Variants in CFAP221 observed in about 807,000 individuals in gnomAD.
CFAP221 encodes the protein cilia and flagella associated protein 221.
Under a neutral mutation model 113.1 loss-of-function variants are expected in CFAP221, and 97 were observed. That is an observed-to-expected ratio of 0.86 (90% CI 0.73 to 1.02). CFAP221 has a LOEUF of 1.02. Ranked by LOEUF, CFAP221 falls within the 50% of genes least tolerant of loss-of-function variation. The probability of loss-of-function intolerance (pLI) is 0.00; values close to 1 mark genes in which losing one functional copy is unlikely to be tolerated. For missense variants in CFAP221, 1,025 were observed against 1,013.4 expected, an observed-to-expected ratio of 1.01 and a Z score of -0.16; for synonymous variants, 331 against 354.4, an observed-to-expected ratio of 0.93 and a Z score of 0.74.
chr2:119,630,098 T>G (rs1686661700), intron 17 of CFAP221, 143 bp downstream of exon 17: 2 of 718,098 alleles, frequency 2.8e-6, no homozygotes, highest in Non-Finnish European at 2.3e-6. Context: ...GGATGGCATA[T>G]GGGAGGTACA....
chr2:119,607,712 T>A (rs1218016695), intron 11 of CFAP221, among the ~76,000 whole-genome samples: 1 of 152,156 alleles, frequency 6.6e-6, no homozygotes, highest in Non-Finnish European at 1.5e-5. Context: ...CTACTTTCAG[T>A]CTCTATGGAT....
chr2:119,604,526 G>A (rs1684585901), intron 8 of CFAP221, 146 bp from the exon 9 acceptor site: 3 of 681,864 alleles, frequency 4.4e-6, no homozygotes, highest in Non-Finnish European at 6.4e-6. Context: ...ATTTATTTTA[G>A]TAGACCACTG....
Position 119,587,168 on chromosome 2 carries a change from T to C in CFAP221, c.577T>C (p.Phe193Leu). Residue 193 changes from phenylalanine (F) to leucine (L), a missense_variant, in exon 7 of 24, where the codon TTT becomes CTT. Coordinates refer to ENST00000413369, the MANE Select transcript of CFAP221 (RefSeq NM_001271049.2). Reference sequence around the variant, plus strand: ...GTGCAGCTGCCCTGTAGATTTTGAGTTTTATATCACCTTGATTCAGTCTCA... The same window carrying C: ...GTGCAGCTGCCCTGTAGATTTTGAGCTTTATATCACCTTGATTCAGTCTCA... ...LQCSCPVDFEFYITLIQSHQA... is the reference protein window; with the variant it reads ...LQCSCPVDFELYITLIQSHQA... 1 of 1,533,014 alleles carries C rather than the reference T, an allele frequency of 6.5e-7. No homozygotes were observed. Among genetic ancestry groups the C allele is most frequent in the South Asian group, 1.2e-5 (1 of 83,410 alleles). The allele number at this position is 1,533,014 out of a possible 1,614,324, so 95.0% of individuals were successfully genotyped here. A position where few individuals can be genotyped will look rare whatever the true frequency, so the allele number is the denominator to read the frequency against.
At chr2:119,637,810 C>A (rs912781720) in intron 19 of CFAP221, among the ~76,000 whole-genome samples, 1 of 152,186 alleles carries the variant, frequency 6.6e-6, no homozygotes. Flanking sequence ...CCTGATACAT[C>A]GAATGTCATC....
chr2:119,574,756 T>C (rs950684842), intron 6 of CFAP221, among the ~76,000 whole-genome samples: 6 of 152,276 alleles, frequency 3.9e-5, no homozygotes, highest in African/African-American at 1.4e-4. Context: ...TTCTAGCATG[T>C]GATTATGTAA....
chr2:119,598,914 G>A (rs1574093359), intron 7 of CFAP221, among the ~76,000 whole-genome samples: 1 of 152,252 alleles, frequency 6.6e-6, no homozygotes, highest in South Asian at 2.1e-4. Flanking sequence ...TTAAGTTAAT[G>A]AGCTAGAGCA....
chr2:119,646,627 G>A (rs1417080983), intron 21 of CFAP221, among the ~76,000 whole-genome samples: 1 of 152,162 alleles, frequency 6.6e-6, no homozygotes, highest in African/African-American at 2.4e-5. Context: ...CTGAGATTTG[G>A]TGGGGACAGG....
In CFAP221 at chr2:119,604,636, C is replaced by G. The variant is rs761291901; in HGVS notation, c.792-36C>G. The G allele has an allele frequency of 5.4e-6, 8 of 1,492,058 alleles. No homozygotes were observed. In the African/African-American group the frequency reaches 1.1e-4, roughly 21 times the overall value. The allele number at this position is 1,492,058 out of a possible 1,614,324, so 92.4% of individuals were successfully genotyped here. ...AACATTAGGAACCTTGAGTTAATGG[C>G]TTATTTACTAATTTAACACTTGTTT... is the stretch of plus-strand genomic sequence containing the variant. On this transcript the variant is annotated intron_variant, in intron 8 of 23. Transcript: ENST00000413369.
At chr2:119,627,219 TTTTG>T (rs1686374059) in intron 15 of CFAP221, among the ~76,000 whole-genome samples, 1 of 152,106 alleles carries the variant, frequency 6.6e-6, no homozygotes. Flanking sequence ...CAAATGTGTA[TTTTG>T]TTTTTCAAAA....
chr2:119,596,328 G>T (rs1386154227), intron 7 of CFAP221, among the ~76,000 whole-genome samples: 2 of 152,194 alleles, frequency 1.3e-5, no homozygotes, highest in African/African-American at 4.8e-5. Context: ...CCTAGAGCAG[G>T]CTCTGAAGCC....
At chr2:119,620,485 C>A (rs1685829237) in intron 14 of CFAP221, among the ~76,000 whole-genome samples, 1 of 152,168 alleles carries the variant, frequency 6.6e-6, no homozygotes, top group African/African-American at 2.4e-5. Context: ...CATATCCAGC[C>A]AAACTAAGCT....
intron 6 of CFAP221, among the ~76,000 whole-genome samples, chr2:119,568,817 T>C (rs1300475255): frequency 1.3e-5 from 2 of 152,196 alleles, no homozygotes; most frequent in Non-Finnish European, 2.9e-5. Context: ...TTTATGTAAG[T>C]TCAAGTTTTG....
intron 6 of CFAP221, among the ~76,000 whole-genome samples, chr2:119,566,994 T>G (rs1467606381): frequency 6.6e-6 from 1 of 152,248 alleles, no homozygotes; most frequent in East Asian, 1.9e-4. Context: ...TAGCAGTTTT[T>G]AATTCATAGC....
downstream of CFAP221, among the ~76,000 whole-genome samples, chr2:119,659,510 C>G (rs145388075): frequency 6.6e-6 from 1 of 152,416 alleles, no homozygotes; most frequent in African/African-American, 2.4e-5. Flanking sequence ...CCTTCTCATT[C>G]CCAATCCATC....
At chr2:119,657,881 G>A (rs1221068301), downstream of CFAP221, among the ~76,000 whole-genome samples, 4 of 152,178 alleles carry the variant, frequency 2.6e-5, no homozygotes, top group African/African-American at 4.8e-5. Context: ...GAAGCGTTAT[G>A]TCCTTCTTGG....
intron 6 of CFAP221, among the ~76,000 whole-genome samples, chr2:119,584,301 A>T (rs895232879): frequency 2.6e-5 from 4 of 152,202 alleles, no homozygotes; most frequent in African/African-American, 9.6e-5. Context: ...GAATTTACAA[A>T]TGAGGCCAGT....
chr2:119,626,703 G>A (rs1165995202), intron 15 of CFAP221, among the ~76,000 whole-genome samples: 1 of 152,100 alleles, frequency 6.6e-6, no homozygotes, highest in African/African-American at 2.4e-5. Context: ...AGAGTCCAAG[G>A]TGGGAGGATC....
intron 7 of CFAP221, 80 bp downstream of exon 7, chr2:119,587,302 G>A: frequency 1.0e-6 from 1 of 1,004,426 alleles, no homozygotes; most frequent in South Asian, 2.0e-5. Flanking sequence ...ACATATCAGT[G>A]ATGAATTTTA....
intron 13 of CFAP221, among the ~76,000 whole-genome samples, chr2:119,612,727 G>T (rs972068759): frequency 6.6e-6 from 1 of 151,960 alleles, no homozygotes; most frequent in African/African-American, 2.4e-5. Flanking sequence ...AATTCAAGAC[G>T]GGATTTGGGT....
Sources: gnomAD v4.1 joint callset for allele counts (sites outside exome capture counted in the v4.1 genomes callset) on GRCh38, gnomAD v4.1.1 for gene constraint, MANE v1.5 for transcripts, NCBI Gene and HGNC (gene_info 2026-07-23, HGNC 2026-07-21) for gene names.